TTYH1: variants seen among roughly 807,000 people sequenced by gnomAD.
TTYH1 encodes tweety family member 1, also known as protein tweety homolog 1.
A neutral mutation model predicts 61.2 loss-of-function variants in TTYH1; 33 were observed. That is an observed-to-expected ratio of 0.54 (90% confidence interval 0.41 to 0.72). The LOEUF (loss-of-function observed/expected upper bound fraction) is 0.72. Ranked by LOEUF, TTYH1 falls within the 30% of genes least tolerant of loss-of-function variation. TTYH1 has a pLI of 0.00. For synonymous variants in TTYH1, 308 were observed against 266.4 expected, an observed-to-expected ratio of 1.16 and a Z score of -1.52; for missense variants, 538 against 575.8, an observed-to-expected ratio of 0.93 and a Z score of 0.67.
Position 54,416,844 on chromosome 19 carries a change from C to G in TTYH1, c.126+1166C>G. The G allele has an allele frequency of 7.7e-7, 1 of 1,293,486 alleles. No individual in the cohort carries two copies. The highest frequency in any genetic ancestry group is 1.0e-6 in the Non-Finnish European group (1 of 988,696). 80.1% of individuals were successfully genotyped at this position (1,293,486 alleles called of 1,614,324 possible). A position where few individuals can be genotyped will look rare whatever the true frequency, so the allele number is the denominator to read the frequency against. ...AACGCCGCTCCACCGGCTCCGGCCT[C>G]GGCCCAGACTCACGCCCGCTCTGGC... On this transcript the variant is annotated intron_variant, in intron 1 of 13. Transcript: ENST00000376530. This position sits in a 1 kb window ranked among gnomAD's most constrained non-coding sequence, Gnocchi z 7.0.
chr19:54,422,336 G>A lies in TTYH1; in HGVS notation c.564G>A (p.Gly188=), dbSNP rs1275700041. 7 of 1,570,834 alleles carry A rather than the reference G, an allele frequency of 4.5e-6. No homozygotes were observed. Residue 188 remains glycine, a synonymous_variant, in exon 4 of 14, where the codon GGG becomes GGA. Transcript: ENST00000376530. Reference sequence around the variant, plus strand: ...AGGCTGCGGCCCAGCAGCTGCAGGGGCTGGCCTTCTGGCAGGGAGTGCCCC... The same window carrying A: ...AGGCTGCGGCCCAGCAGCTGCAGGGACTGGCCTTCTGGCAGGGAGTGCCCC... The part of the protein sequence containing the change: ...QAEAAAQQLQ[G]LAFWQGVPLS...
At position 54,416,283 on chromosome 19, in the gene TTYH1, G is replaced by A. The variant is rs531298903; in HGVS notation, c.126+605G>A. On this transcript the variant is annotated intron_variant, in intron 1 of 13. Transcript: ENST00000376530. This position sits in a 1 kb window ranked among gnomAD's most constrained non-coding sequence, Gnocchi z 7.0. ...AAGAAGGGGTGGTCAGGGCGCTGCA[G>A]GGGTGAGGGCCGAGATGAGGCTGGG... 3.2e-6 allele frequency: 1 copy of A among 313,022 alleles called. No homozygotes were observed. Among genetic ancestry groups the A allele is most frequent in the South Asian group, 2.8e-5 (1 of 35,910 alleles). 19.4% of individuals were successfully genotyped at this position (313,022 alleles called of 1,614,324 possible).
Position 54,435,913 on chromosome 19 carries a change from T to A in TTYH1, c.1314+40T>A, listed in dbSNP as rs939536289. Reference sequence around the variant, plus strand: ...GGTCTGAGGGAGGAGGGGCGGGGGGTCCTGAACTCCTGGGTCTGAGGGAGG... The same window carrying A: ...GGTCTGAGGGAGGAGGGGCGGGGGGACCTGAACTCCTGGGTCTGAGGGAGG... On this transcript the variant is annotated intron_variant, in intron 12 of 13. Transcript: ENST00000376530. 1.9e-6 allele frequency: 3 copies of A among 1,595,894 alleles called. No individual in the cohort carries two copies. In the African/African-American group the frequency reaches 4.2e-5, roughly 22 times the overall value.
Position 54,419,688 on chromosome 19 carries a change from G to C in TTYH1, c.305+382G>C. On this transcript the variant is annotated intron_variant, in intron 2 of 13. Coordinates refer to ENST00000376530, the MANE Select transcript of TTYH1 (RefSeq NM_020659.4). The surrounding 1 kb of genome is among the most constrained non-coding windows in gnomAD (Gnocchi z 6.1). Reference sequence around the variant, plus strand: ...ATTATCATCTCGCCCACCTCCTGCGGGGGTAAGATGGAGAGAAAGCACAGT... The same window carrying C: ...ATTATCATCTCGCCCACCTCCTGCGCGGGTAAGATGGAGAGAAAGCACAGT... 1 of 475,916 alleles carries C rather than the reference G, an allele frequency of 2.1e-6. No homozygotes were observed. The highest frequency in any genetic ancestry group is 1.8e-5 in the South Asian group (1 of 57,106). 29.5% of individuals were successfully genotyped at this position (475,916 alleles called of 1,614,324 possible). A position where few individuals can be genotyped will look rare whatever the true frequency, so the allele number is the denominator to read the frequency against.
In TTYH1 at chr19:54,429,946, G is replaced by A; in HGVS notation, c.872G>A (p.Gly291Glu). 1 of 1,613,934 alleles carries A rather than the reference G, an allele frequency of 6.2e-7. No individual in the cohort carries two copies. Among genetic ancestry groups the A allele is most frequent in the Admixed American group, 1.7e-5 (1 of 60,012 alleles). The change falls in exon 7 of 14, where the codon GGG becomes GAG. Residue 291 changes from glycine (G) to glutamate (E), a missense_variant. Around this residue, in one of 3 missense-constraint regions of TTYH1, gnomAD observed 378 missense variants for 401.2 expected, o/e 0.94. Transcript: ENST00000376530. This position sits in a 1 kb window ranked among gnomAD's most constrained non-coding sequence, Gnocchi z 5.1. ...YVLNLTQEET[G>E]LSSDILSYYL... The stretch of plus-strand genomic sequence containing the variant: ...CTGAACCTGACCCAGGAGGAGACAG[G>A]GCTCAGCTCAGGTGATTTCCAAGGG...
chr19:54,430,641 G>C (rs764335729), intron 8 of TTYH1, 36 bp downstream of exon 8: 1 of 1,555,908 alleles, frequency 6.4e-7, no homozygotes, highest in Non-Finnish European at 8.8e-7. Context: ...GGTGTTGAGG[G>C]AGCCAGAAAT....
In TTYH1 at chr19:54,436,741, C is replaced by A. The variant is rs1337239426; in HGVS notation, c.*451C>A. 7.0e-6 allele frequency: 2 copies of A among 286,162 alleles called. No homozygotes were observed. The highest frequency in any genetic ancestry group is 4.3e-5 in the African/African-American group (2 of 46,706). The allele number at this position is 286,162 out of a possible 1,614,324, so 17.7% of individuals were successfully genotyped here. On this transcript the variant is annotated 3_prime_UTR_variant, in exon 14 of 14. Transcript: ENST00000376530. This position sits in a 1 kb window ranked among gnomAD's most constrained non-coding sequence, Gnocchi z 4.3. ...AGCAGCTGGGTCCTCCTTATTTCTC[C>A]TCTCCCTTGATTCGGCCTCCTGGCC...
At position 54,415,816 on chromosome 19, in the gene TTYH1, G is replaced by A. The variant is rs2083065976; in HGVS notation, c.126+138G>A. 9 of 1,070,006 alleles carry A rather than the reference G, an allele frequency of 8.4e-6. No individual in the cohort carries two copies. The highest frequency in any genetic ancestry group is 1.2e-5 in the Non-Finnish European group (9 of 776,608). The allele number at this position is 1,070,006 out of a possible 1,614,324, so 66.3% of individuals were successfully genotyped here. ...CCGGCCCGGACTTTGGGGTTTCGGA[G>A]GGAGGAGGAGCCTGGGGGCGCCCAT... On this transcript the variant is annotated intron_variant, in intron 1 of 13. Transcript: ENST00000376530. The surrounding 1 kb of genome is among the most constrained non-coding windows in gnomAD (Gnocchi z 5.2).
chr19:54,421,413 C>CTGGGGT lies in TTYH1; in HGVS notation c.417+25_417+26insTGGGGT. 6.6e-7 allele frequency: 1 copy of CTGGGGT among 1,507,686 alleles called. No homozygotes were observed. Among genetic ancestry groups the CTGGGGT allele is most frequent in the Non-Finnish European group, 9.2e-7 (1 of 1,083,108 alleles). 93.4% of individuals were successfully genotyped at this position (1,507,686 alleles called of 1,614,324 possible). On this transcript the variant is annotated intron_variant, in intron 3 of 13. Transcript: ENST00000376530. This position sits in a 1 kb window ranked among gnomAD's most constrained non-coding sequence, Gnocchi z 4.8. ...GGTGAGGGGCCAGCAACCAGTGGGA[C>CTGGGGT]CCCAGACCCACACCTGGACGGGCTC...
At position 54,425,249 on chromosome 19, in the gene TTYH1, G is replaced by A. The variant is rs550629673; in HGVS notation, c.639-1424G>A. Reference sequence around the variant, plus strand: ...AAGTCAGCGGCGGGTCTGCGACGGCGGCAAACAGCAGTGGTGGACGGCGAG... The same window carrying A: ...AAGTCAGCGGCGGGTCTGCGACGGCAGCAAACAGCAGTGGTGGACGGCGAG... On this transcript the variant is annotated intron_variant, in intron 4 of 13. Transcript: ENST00000376530. 7.0e-4 allele frequency among the ~76,000 whole-genome samples: 106 copies of A among 152,280 alleles called. 1 individual carries two copies. In the Middle Eastern group the frequency reaches 0.02, roughly 29 times the overall value.
Position 54,420,268 on chromosome 19 carries a change from C to A in TTYH1, c.305+962C>A, listed in dbSNP as rs976510719. Among the ~76,000 whole-genome samples the A allele has an allele frequency of 1.1e-4, 17 of 152,274 alleles. No homozygotes were observed. The highest frequency in any genetic ancestry group is 4.1e-4 in the African/African-American group (17 of 41,520). ...GGGCCAGACGCCTGCCCCGGACCCACAGCGGGCAAGGGGAGGGACCTGTAG... is the reference window on the plus strand; with the variant it reads ...GGGCCAGACGCCTGCCCCGGACCCAAAGCGGGCAAGGGGAGGGACCTGTAG... On this transcript the variant is annotated intron_variant, in intron 2 of 13. Transcript: ENST00000376530. The surrounding 1 kb of genome is among the most constrained non-coding windows in gnomAD (Gnocchi z 4.8).
chr19:54,425,305 G>A (rs997623760), intron 4 of TTYH1, among the ~76,000 whole-genome samples: 20 of 152,346 alleles, frequency 1.3e-4, no homozygotes, highest in Non-Finnish European at 2.4e-4. Context: ...TAACAGACAC[G>A]GACCAGAAGA....
Position 54,421,766 on chromosome 19 carries a change from C to T in TTYH1, c.417+378C>T, listed in dbSNP as rs755697852. Among the ~76,000 whole-genome samples the T allele has an allele frequency of 7.2e-5, 11 of 152,230 alleles. No individual in the cohort carries two copies. The highest frequency in any genetic ancestry group is 1.9e-4 in the East Asian group (1 of 5,172). On this transcript the variant is annotated intron_variant, in intron 3 of 13. Transcript: ENST00000376530. The surrounding 1 kb of genome is among the most constrained non-coding windows in gnomAD (Gnocchi z 4.8). ...GGTCCCCGACTTGAGGCTTCAGCTC[C>T]GACATCAGCTCCAGGATTCTGGGCC...
At position 54,416,744 on chromosome 19, in the gene TTYH1, GC is replaced by G; in HGVS notation, c.126+1071del. 1 of 1,290,774 alleles carries G rather than the reference GC, an allele frequency of 7.7e-7. No homozygotes were observed. The allele number at this position is 1,290,774 out of a possible 1,614,324, so 80.0% of individuals were successfully genotyped here. A position where few individuals can be genotyped will look rare whatever the true frequency, so the allele number is the denominator to read the frequency against. ...AGCTCTTCCCCGCCTGCTCCTCGCC[GC>G]CCCCTCTCCCCACACACGGGGACCG... On this transcript the variant is annotated intron_variant, in intron 1 of 13. Coordinates refer to ENST00000376530, the MANE Select transcript of TTYH1 (RefSeq NM_020659.4). This position sits in a 1 kb window ranked among gnomAD's most constrained non-coding sequence, Gnocchi z 7.0.
rs1322926705 is a variant in TTYH1 at position 54,434,235 on chromosome 19, C to T, written c.1126-1307C>T. ...TCCCCCCTCGCCTACCCCCGTCTGT[C>T]CTCCATGCAGCAGCCAGCCAGCCAG... On this transcript the variant is annotated intron_variant, in intron 10 of 13. Transcript: ENST00000376530. This position sits in a 1 kb window ranked among gnomAD's most constrained non-coding sequence, Gnocchi z 4.3. 1.3e-5 allele frequency: 2 copies of T among 152,748 alleles called. No individual in the cohort carries two copies. Among genetic ancestry groups the T allele is most frequent in the East Asian group, 1.9e-4 (1 of 5,218 alleles). 9.5% of individuals were successfully genotyped at this position (152,748 alleles called of 1,614,324 possible).
At chr19:54,424,004 T>C (rs1025363615) in intron 4 of TTYH1, among the ~76,000 whole-genome samples, 2 of 151,680 alleles carry the variant, frequency 1.3e-5, no homozygotes, top group African/African-American at 4.8e-5. Flanking sequence ...CTACTAAAAA[T>C]ACAAAAATTA....
At chr19:54,427,065 G>A (rs930367275) in intron 5 of TTYH1, among the ~76,000 whole-genome samples, 11 of 152,008 alleles carry the variant, frequency 7.2e-5, no homozygotes, top group South Asian at 2.1e-4. Context: ...TTAGGAGGCC[G>A]AGGTGGGTGG....
At chr19:54,427,612 C>CAAT (rs371148613) in intron 5 of TTYH1, among the ~76,000 whole-genome samples, 14 of 144,508 alleles carry the variant, frequency 9.7e-5, no homozygotes, top group African/African-American at 3.7e-4. Flanking sequence ...TCAAAAACAA[C>CAAT]AACAACAAAA....
In TTYH1 at chr19:54,416,118, G is replaced by C. The variant is rs2083073400; in HGVS notation, c.126+440G>C. 3.1e-6 allele frequency: 4 copies of C among 1,287,782 alleles called. No individual in the cohort carries two copies. The highest frequency in any genetic ancestry group is 2.3e-5 in the Admixed American group (1 of 43,388). The allele number at this position is 1,287,782 out of a possible 1,614,324, so 79.8% of individuals were successfully genotyped here. A position where few individuals can be genotyped will look rare whatever the true frequency, so the allele number is the denominator to read the frequency against. On this transcript the variant is annotated intron_variant, in intron 1 of 13. Coordinates refer to ENST00000376530, the MANE Select transcript of TTYH1 (RefSeq NM_020659.4). This position sits in a 1 kb window ranked among gnomAD's most constrained non-coding sequence, Gnocchi z 7.0. ...CCCAGGAGACAGCGGACCTGATAAC[G>C]GTGGCGGGGAAAACGCTGGCTGCTG...
Sources: allele counts gnomAD v4.1 joint callset (sites outside exome capture counted in the v4.1 genomes callset), GRCh38; gene constraint gnomAD v4.1.1; regional missense constraint gnomAD v4.1.1; non-coding constraint Gnocchi (gnomAD v3.1); transcripts MANE v1.5; gene names NCBI Gene and HGNC (gene_info 2026-07-23, HGNC 2026-07-21).